The following TMEM132D variants were observed in gnomAD, a reference collection of about 807,000 sequenced individuals.
TMEM132D encodes the protein transmembrane protein 132D.
A neutral mutation model predicts 62.3 loss-of-function variants in TMEM132D; 21 were observed. That is an observed-to-expected ratio of 0.34 (90% CI 0.24 to 0.49). TMEM132D has a LOEUF of 0.49. Among genes scored for constraint, TMEM132D ranks in the 20% least tolerant of loss-of-function variants. The pLI, the probability that TMEM132D is intolerant of heterozygous loss-of-function variation, is 0.99. For synonymous variants in TMEM132D, 621 were observed against 575.6 expected (o/e 1.08, Z -1.13); for missense variants, 1,346 against 1,402.8 (o/e 0.96, Z 0.65).
chr12:129,624,217 C>G (rs1443163392), intron 2 of TMEM132D, among the ~76,000 whole-genome samples: 1 of 152,168 alleles, frequency 6.6e-6, no homozygotes, highest in South Asian at 2.1e-4. Context: ...CACTTTTTCA[C>G]TATTTCAATA....
At chr12:129,307,810 C>T (rs1593331213) in intron 4 of TMEM132D, among the ~76,000 whole-genome samples, 1 of 152,330 alleles carries the variant, frequency 6.6e-6, no homozygotes, top group Middle Eastern at 3.4e-3. Context: ...GGTCTTGCTG[C>T]TTCCATCCTG....
At chr12:129,084,830 G>T in intron 5 of TMEM132D, 128 bp from the exon 6 acceptor site, 1 of 789,056 alleles carries the variant, frequency 1.3e-6, no homozygotes, top group Non-Finnish European at 2.0e-6. Flanking sequence ...TTACTATGGG[G>T]GAGGAGGTCC....
intron 1 of TMEM132D, among the ~76,000 whole-genome samples, chr12:129,766,880 C>A (rs1870571425): frequency 6.6e-6 from 1 of 152,290 alleles, no homozygotes; most frequent in African/African-American, 2.4e-5. Flanking sequence ...CCACCAGTAC[C>A]ATGACAGTTT....
chr12:129,493,016 A>C (rs1216745213), intron 3 of TMEM132D, among the ~76,000 whole-genome samples: 1 of 152,180 alleles, frequency 6.6e-6, no homozygotes, highest in East Asian at 1.9e-4. Flanking sequence ...GACAGGAGGA[A>C]TTCTCAGCTC....
At chr12:129,728,804 A>G (rs779339826) in intron 1 of TMEM132D, among the ~76,000 whole-genome samples, 6 of 152,204 alleles carry the variant, frequency 3.9e-5, no homozygotes, top group African/African-American at 1.4e-4. Flanking sequence ...GACATTGCCC[A>G]AACTCAGTGC....
intron 3 of TMEM132D, among the ~76,000 whole-genome samples, chr12:129,400,644 T>C (rs182072895): frequency 6.6e-6 from 1 of 152,266 alleles, no homozygotes; most frequent in East Asian, 1.9e-4. Flanking sequence ...AAAAATCCAA[T>C]TAATGAACCT....
At chr12:129,341,784 GACAA>G (rs3046008) in intron 3 of TMEM132D, among the ~76,000 whole-genome samples, 27,957 of 151,846 alleles carry the variant, frequency 0.18, 2,627 homozygotes, top group Non-Finnish European at 0.2. Flanking sequence ...ACCAATAACA[GACAA>G]ACAGAGAGCC....
intron 5 of TMEM132D, among the ~76,000 whole-genome samples, chr12:129,171,599 G>T (rs1475676677): frequency 1.3e-5 from 2 of 152,350 alleles, no homozygotes; most frequent in Non-Finnish European, 2.9e-5. Context: ...TTGGAAGTCA[G>T]AATTACTTTT....
chr12:129,523,661 T>C (rs1377821665), intron 3 of TMEM132D, among the ~76,000 whole-genome samples: 1 of 152,208 alleles, frequency 6.6e-6, no homozygotes, highest in Non-Finnish European at 1.5e-5. Context: ...AAATACCAGA[T>C]ATATGGATAT....
chr12:129,701,746 C>A (rs1881390891), intron 1 of TMEM132D, among the ~76,000 whole-genome samples: 1 of 152,218 alleles, frequency 6.6e-6, no homozygotes, highest in African/African-American at 2.4e-5. Flanking sequence ...CACTGACTTT[C>A]TAGGCAAAGC....
intron 1 of TMEM132D, among the ~76,000 whole-genome samples, chr12:129,863,237 G>T (rs1195391022): frequency 2.6e-5 from 4 of 152,126 alleles, no homozygotes; most frequent in Non-Finnish European, 1.5e-5. Flanking sequence ...TGGATTTGTG[G>T]ACAGTGCTAA....
At chr12:129,719,072 A>G (rs993771626) in intron 1 of TMEM132D, among the ~76,000 whole-genome samples, 5 of 117,958 alleles carry the variant, frequency 4.2e-5, no homozygotes, top group African/African-American at 1.5e-4. Flanking sequence ...CCTCCTCTCT[A>G]CAAAAAAAAT....
At chr12:129,711,493 T>C (rs1019933093) in intron 1 of TMEM132D, among the ~76,000 whole-genome samples, 1 of 152,072 alleles carries the variant, frequency 6.6e-6, no homozygotes, top group Admixed American at 6.6e-5. Context: ...TGGGAGGCCA[T>C]GGCGGGTGGA....
At chr12:129,832,885 C>A (rs959481822) in intron 1 of TMEM132D, among the ~76,000 whole-genome samples, 1 of 152,174 alleles carries the variant, frequency 6.6e-6, no homozygotes, top group South Asian at 2.1e-4. Context: ...CAGTTTCAAC[C>A]CCTTCAATCC....
rs542779938 is a variant in TMEM132D at position 129,256,144 on chromosome 12, A to G, written c.1300-46481T>C. 2.0e-5 allele frequency among the ~76,000 whole-genome samples: 3 copies of G among 152,252 alleles called. No homozygotes were observed. In the South Asian group the frequency reaches 6.2e-4, roughly 32 times the overall value. On this transcript the variant is annotated intron_variant, in intron 4 of 8. Coordinates refer to ENST00000422113, the MANE Select transcript of TMEM132D (RefSeq NM_133448.3). Reference sequence around the variant, plus strand: ...CCCCAGACTGGAGTGCAGTGGTGCAATCTCAGCTCACTGCAACCTCCGCCT... The same window carrying G: ...CCCCAGACTGGAGTGCAGTGGTGCAGTCTCAGCTCACTGCAACCTCCGCCT...
chr12:129,307,103 G>C (rs1018256915), intron 4 of TMEM132D, among the ~76,000 whole-genome samples: 1 of 148,880 alleles, frequency 6.7e-6, no homozygotes, highest in African/African-American at 2.5e-5. Flanking sequence ...AATCCCAAAT[G>C]TAAGTCATGA....
At chr12:129,862,978 C>G (rs1185142810) in intron 1 of TMEM132D, among the ~76,000 whole-genome samples, 1 of 152,066 alleles carries the variant, frequency 6.6e-6, no homozygotes, top group Non-Finnish European at 1.5e-5. Flanking sequence ...CCGCCTTCCT[C>G]AGCGAGGGAG....
chr12:129,279,206 G>T (rs746163606), intron 4 of TMEM132D, among the ~76,000 whole-genome samples: 4 of 152,206 alleles, frequency 2.6e-5, no homozygotes, highest in Non-Finnish European at 1.5e-5. Flanking sequence ...GGGAAAAGTT[G>T]ATATCACCTA....
chr12:129,638,896 T>A (rs1230519956), intron 2 of TMEM132D, among the ~76,000 whole-genome samples: 2 of 151,954 alleles, frequency 1.3e-5, no homozygotes, highest in Non-Finnish European at 2.9e-5. Flanking sequence ...GAGTGCACAT[T>A]AGATTAAGTA....
Sources: allele counts gnomAD v4.1 joint callset (sites outside exome capture counted in the v4.1 genomes callset), GRCh38; gene constraint gnomAD v4.1.1; transcripts MANE v1.5; gene names NCBI Gene and HGNC (gene_info 2026-07-23, HGNC 2026-07-21).